CYTH3: variants seen among roughly 807,000 people sequenced by gnomAD.
CYTH3 encodes cytohesin 3, also known as cytohesin-3.
A neutral mutation model predicts 55.1 loss-of-function variants in CYTH3; 23 were observed. The ratio of observed to expected loss-of-function variants is 0.42; its 90% confidence interval spans 0.30 to 0.59. The LOEUF is 0.59. Among genes scored for constraint, CYTH3 ranks in the 20% least tolerant of loss-of-function variants. The probability of loss-of-function intolerance (pLI) is 0.20; values close to 1 mark genes in which losing one functional copy is unlikely to be tolerated. For synonymous variants in CYTH3, 249 were observed against 194.9 expected (o/e 1.28, Z -2.31); for missense variants, 413 against 524.8 (o/e 0.79, Z 2.08).
At chr7:6,208,995 C>G (rs1334811649) in intron 1 of CYTH3, among the ~76,000 whole-genome samples, 1 of 152,200 alleles carries the variant, frequency 6.6e-6, no homozygotes, top group Non-Finnish European at 1.5e-5. Flanking sequence ...ACAAGCTTCC[C>G]AAATGACTTT....
chr7:6,199,729 G>A (rs929104884), intron 1 of CYTH3, among the ~76,000 whole-genome samples: 1 of 152,198 alleles, frequency 6.6e-6, no homozygotes, highest in African/African-American at 2.4e-5. Flanking sequence ...ATAACTATGT[G>A]AGTGAATACT....
intron 1 of CYTH3, among the ~76,000 whole-genome samples, chr7:6,250,711 T>A (rs1034585575): frequency 3.9e-5 from 6 of 152,214 alleles, no homozygotes; most frequent in Admixed American, 6.5e-5. Context: ...GGGGCCCAGG[T>A]TCTTTTTGAA....
rs1240638798 is a variant in CYTH3 at position 6,170,346 on chromosome 7, G to C, written c.823+189C>G. ...TACTCTCTGCCGCGGGCATGGCTCT[G>C]AGGCCCCGGCTCGGAGAAGCAGCCG... On this transcript the variant is annotated intron_variant, in intron 9 of 12. Coordinates refer to ENST00000350796, the MANE Select transcript of CYTH3 (RefSeq NM_004227.4). The surrounding 1 kb of genome is among the most constrained non-coding windows in gnomAD (Gnocchi z 7.8). 3.4e-6 allele frequency: 2 copies of C among 592,284 alleles called. No individual in the cohort carries two copies. Among genetic ancestry groups the C allele is most frequent in the African/African-American group, 1.9e-5 (1 of 53,342 alleles). 36.7% of individuals were successfully genotyped at this position (592,284 alleles called of 1,614,324 possible).
chr7:6,239,149 G>T (rs548013569), intron 1 of CYTH3, among the ~76,000 whole-genome samples: 2 of 152,280 alleles, frequency 1.3e-5, no homozygotes, highest in South Asian at 4.1e-4. Flanking sequence ...GGAGTTGGAG[G>T]CTGCAGTGAG....
chr7:6,260,422 C>A (rs1327849523), intron 1 of CYTH3, among the ~76,000 whole-genome samples: 2 of 152,018 alleles, frequency 1.3e-5, no homozygotes, highest in African/African-American at 4.8e-5. Context: ...CATACCCTTC[C>A]CTCACTGAGC....
At chr7:6,194,745 G>C (rs1043158989) in intron 1 of CYTH3, among the ~76,000 whole-genome samples, 5 of 152,214 alleles carry the variant, frequency 3.3e-5, no homozygotes, top group Admixed American at 2.0e-4. Context: ...GGGAGGCCAA[G>C]GCAGGCGGAT....
At chr7:6,200,480 TG>T (rs1238206459) in intron 1 of CYTH3, among the ~76,000 whole-genome samples, 1 of 152,246 alleles carries the variant, frequency 6.6e-6, no homozygotes, top group Non-Finnish European at 1.5e-5. Context: ...AACTCACAAC[TG>T]TGTATTTCTG....
rs560355198 is a variant in CYTH3, at chr7:6,195,377, C to T, written c.35-4846G>A. Among the ~76,000 whole-genome samples the T allele has an allele frequency of 3.3e-5, 5 of 152,304 alleles. No homozygotes were observed. In the East Asian group the frequency reaches 9.6e-4, roughly 29 times the overall value. On this transcript the variant is annotated intron_variant, in intron 1 of 12. Transcript: ENST00000350796. Reference sequence around the variant, plus strand: ...ATGCTTCACAAAGATACAAATAATACAATTAACATAAAATTTTTAATTTCC... The same window carrying T: ...ATGCTTCACAAAGATACAAATAATATAATTAACATAAAATTTTTAATTTCC...
chr7:6,271,659 C>T (rs1276194523), intron 1 of CYTH3, among the ~76,000 whole-genome samples: 2 of 152,136 alleles, frequency 1.3e-5, no homozygotes, highest in African/African-American at 4.8e-5. Context: ...TAAATAATTT[C>T]CAACAAACAC....
intron 1 of CYTH3, among the ~76,000 whole-genome samples, chr7:6,216,423 T>C (rs936170665): frequency 5.3e-5 from 8 of 152,028 alleles, no homozygotes; most frequent in African/African-American, 1.9e-4. Context: ...TTTAAAAAGC[T>C]ATACAAAGAG....
chr7:6,269,627 A>T (rs994832463), intron 1 of CYTH3, among the ~76,000 whole-genome samples: 5 of 152,164 alleles, frequency 3.3e-5, no homozygotes, highest in Non-Finnish European at 5.9e-5. Context: ...GAAAGGCAAC[A>T]AAGTCCCATA....
chr7:6,205,293 G>A (rs1784157809), intron 1 of CYTH3, among the ~76,000 whole-genome samples: 1 of 152,082 alleles, frequency 6.6e-6, no homozygotes, highest in African/African-American at 2.4e-5. Flanking sequence ...ACCAACAAAG[G>A]CCAGGCACGG....
chr7:6,224,760 T>C (rs1386213102), intron 1 of CYTH3, among the ~76,000 whole-genome samples: 1 of 152,220 alleles, frequency 6.6e-6, no homozygotes, highest in Admixed American at 6.5e-5. Flanking sequence ...TGTACACGAA[T>C]GTTCATAGCA....
intron 1 of CYTH3, among the ~76,000 whole-genome samples, chr7:6,192,389 T>C (rs1393831231): frequency 6.6e-6 from 1 of 151,780 alleles, no homozygotes; most frequent in Non-Finnish European, 1.5e-5. Context: ...GGCTAATTTT[T>C]TTTTTTTTAA....
chr7:6,272,270 C>G (rs1449147968), intron 1 of CYTH3, among the ~76,000 whole-genome samples: 2 of 151,812 alleles, frequency 1.3e-5, no homozygotes, highest in East Asian at 3.9e-4. Context: ...CGAACGGCGA[C>G]CCCGGCCCGC....
chr7:6,194,929 C>A (rs766738221), intron 1 of CYTH3, among the ~76,000 whole-genome samples: 1 of 151,898 alleles, frequency 6.6e-6, no homozygotes, highest in Non-Finnish European at 1.5e-5. Context: ...GAGCCGAGAT[C>A]GCGTCATTGC....
chr7:6,188,092 T>A, intron 2 of CYTH3, among the ~76,000 whole-genome samples: 1 of 152,078 alleles, frequency 6.6e-6, no homozygotes, highest in East Asian at 1.9e-4. Context: ...TTTGGGAGGT[T>A]GAAGCAGAGG....
chr7:6,243,032 T>C (rs1030217647), intron 1 of CYTH3, among the ~76,000 whole-genome samples: 15 of 152,206 alleles, frequency 9.9e-5, no homozygotes, highest in Non-Finnish European at 1.5e-4. Context: ...GTAAAACTTG[T>C]GCCTCCCAAG....
In CYTH3 at chr7:6,187,735, A is replaced by C. The variant is rs774642957; in HGVS notation, c.118-14T>G. 6.2e-7 allele frequency: 1 copy of C among 1,613,520 alleles called. No homozygotes were observed. The highest frequency in any genetic ancestry group is 8.5e-7 in the Non-Finnish European group (1 of 1,179,566). ...ATATTTCAGCCTCTGTCAAAAAAGA[A>C]GAATTTCGAGGTGGGGAGTGGGTCT... On this transcript the variant is annotated splice_polypyrimidine_tract_variant and intron_variant, in intron 2 of 12. Coordinates refer to ENST00000350796, the MANE Select transcript of CYTH3 (RefSeq NM_004227.4).
Sources: gnomAD v4.1 joint callset for allele counts (sites outside exome capture counted in the v4.1 genomes callset) on GRCh38, gnomAD v4.1.1 for gene constraint, Gnocchi (gnomAD v3.1) non-coding constraint, MANE v1.5 for transcripts, NCBI Gene and HGNC (gene_info 2026-07-23, HGNC 2026-07-21) for gene names.